The following DTNB variants were observed in gnomAD, a reference collection of about 807,000 sequenced individuals.
The protein encoded by DTNB is DTN-B.
Under a neutral mutation model 90.7 loss-of-function variants are expected in DTNB, and 63 were observed. The ratio of observed to expected loss-of-function variants is 0.69; its 90% CI spans 0.57 to 0.86. The LOEUF is 0.86. Among genes scored for constraint, DTNB ranks in the 40% least tolerant of loss-of-function variants. The probability of loss-of-function intolerance (pLI) is 0.00; values close to 1 mark genes in which losing one functional copy is unlikely to be tolerated. For synonymous variants in DTNB, 277 were observed against 286.7 expected (o/e 0.97, Z 0.34); for missense variants, 744 against 807.1 (o/e 0.92, Z 0.95).
In DTNB at chr2:25,673,543, G is replaced by C. The variant is rs989159741; in HGVS notation, c.-159C>G. On this transcript the variant is annotated 5_prime_UTR_variant, in exon 1 of 21. Coordinates refer to ENST00000406818, the MANE Select transcript of DTNB (RefSeq NM_021907.5). ...GGCGAACGTTCGCAGCGCCCGGCTC[G>C]CGCCGCTTCTCCGCCCGGCACGCGC... The C allele has an allele frequency of 6.7e-6, 1 of 148,656 alleles. No individual in the cohort carries two copies. Among genetic ancestry groups the C allele is most frequent in the African/African-American group, 2.4e-5 (1 of 41,082 alleles). The allele number at this position is 148,656 out of a possible 1,614,324, so 9.2% of individuals were successfully genotyped here. A position where few individuals can be genotyped will look rare whatever the true frequency, so the allele number is the denominator to read the frequency against.
chr2:25,437,457 TCACCATGTTGG>T (rs1313703550), intron 12 of DTNB, among the ~76,000 whole-genome samples: 1 of 152,148 alleles, frequency 6.6e-6, no homozygotes, highest in East Asian at 1.9e-4. Flanking sequence ...GGACAGGGTT[TCACCATGTTGG>T]CTAGGCTGGT....
At chr2:25,605,260 C>G (rs936153193) in intron 5 of DTNB, among the ~76,000 whole-genome samples, 4 of 152,176 alleles carry the variant, frequency 2.6e-5, no homozygotes, top group Non-Finnish European at 5.9e-5. Context: ...ATCAGATAAA[C>G]ACAGTGATTG....
chr2:25,573,778 G>T (rs1282082833), intron 8 of DTNB, among the ~76,000 whole-genome samples: 1 of 152,088 alleles, frequency 6.6e-6, no homozygotes, highest in Admixed American at 6.5e-5. Context: ...AGTGTGCCAC[G>T]TGACTGCTAA....
intron 12 of DTNB, among the ~76,000 whole-genome samples, chr2:25,442,203 T>C (rs2057565801): frequency 6.6e-6 from 1 of 152,202 alleles, no homozygotes; most frequent in Non-Finnish European, 1.5e-5. Context: ...AAGAGGCAGA[T>C]TACAGAGAGG....
At chr2:25,538,587 G>T (rs1426955239) in intron 8 of DTNB, among the ~76,000 whole-genome samples, 1 of 152,024 alleles carries the variant, frequency 6.6e-6, no homozygotes, top group Non-Finnish European at 1.5e-5. Context: ...TAGCAGCTGG[G>T]ACTACAGGCA....
At chr2:25,513,916 A>G (rs1166928650) in intron 9 of DTNB, among the ~76,000 whole-genome samples, 2 of 151,970 alleles carry the variant, frequency 1.3e-5, no homozygotes, top group East Asian at 3.9e-4. Flanking sequence ...AAGATCTACT[A>G]TCTGCCAGAC....
Position 25,451,571 on chromosome 2 carries a change from G to T in DTNB, c.1234C>A (p.Leu412Met). The change falls in exon 12 of 21, where the codon CTG becomes ATG. Residue 412 changes from leucine (L) to methionine (M), a missense_variant. Leu to Met is a conservative substitution (Grantham distance 15). Coordinates refer to ENST00000406818, the MANE Select transcript of DTNB (RefSeq NM_021907.5). ...HRLIARYAARLAAEAGNVTRP... is the reference protein window; with the variant it reads ...HRLIARYAARMAAEAGNVTRP... ...ACCACGTTTCCTGCTTCTGCAGCCA[G>T]CCGGGCAGCATAGCGAGCTATAAGA... 2 of 1,609,070 alleles carry T rather than the reference G, an allele frequency of 1.2e-6. No homozygotes were observed. Among genetic ancestry groups the T allele is most frequent in the Non-Finnish European group, 1.7e-6 (2 of 1,177,714 alleles).
intron 8 of DTNB, among the ~76,000 whole-genome samples, chr2:25,560,987 T>C (rs968088524): frequency 1.3e-5 from 2 of 152,188 alleles, no homozygotes; most frequent in African/African-American, 4.8e-5. Context: ...CCATTTCTAG[T>C]CACCTCCTAC....
At chr2:25,420,520 ATCTGTCTG>A (rs386354870) in intron 15 of DTNB, among the ~76,000 whole-genome samples, 443 of 89,268 alleles carry the variant, frequency 5.0e-3, no homozygotes, top group Non-Finnish European at 0.011. Context: ...CTATCTATCT[ATCTGTCTG>A]TCTATCGACA....
At chr2:25,504,222 C>T (rs1356214407) in intron 9 of DTNB, among the ~76,000 whole-genome samples, 4 of 151,336 alleles carry the variant, frequency 2.6e-5, no homozygotes, top group African/African-American at 9.7e-5. Flanking sequence ...GAGCCAAGAT[C>T]GCACCACTAC....
chr2:25,547,323 CTTT>C (rs57298172), intron 8 of DTNB, among the ~76,000 whole-genome samples: 2 of 115,598 alleles, frequency 1.7e-5, no homozygotes, highest in East Asian at 2.5e-4. Flanking sequence ...TCTTTCTTTC[CTTT>C]TTTTTTTTTT....
chr2:25,579,726 A>G (rs1051206979), intron 7 of DTNB, among the ~76,000 whole-genome samples: 5 of 152,306 alleles, frequency 3.3e-5, no homozygotes, highest in African/African-American at 1.2e-4. Context: ...GGAAAAAAAA[A>G]GGGAACCCAC....
At chr2:25,449,600 C>T (rs6546184) in intron 12 of DTNB, among the ~76,000 whole-genome samples, 39,535 of 151,950 alleles carry the variant, frequency 0.26, 7,471 homozygotes, top group East Asian at 0.64. Context: ...TTATTGGCCA[C>T]TGGCATATCT....
intron 2 of DTNB, chr2:25,650,114 T>A: frequency 1.0e-6 from 1 of 985,466 alleles, no homozygotes; most frequent in Non-Finnish European, 1.2e-6. Context: ...CACAAAGAAG[T>A]AAACCCAGTT....
intron 8 of DTNB, among the ~76,000 whole-genome samples, chr2:25,568,605 A>G (rs2151267762): frequency 6.6e-6 from 1 of 152,364 alleles, no homozygotes; most frequent in East Asian, 1.9e-4. Flanking sequence ...TCCTTCAAAA[A>G]GTATAATTTA....
intron 6 of DTNB, among the ~76,000 whole-genome samples, chr2:25,589,591 G>C (rs952157629): frequency 6.6e-6 from 1 of 151,854 alleles, no homozygotes; most frequent in Non-Finnish European, 1.5e-5. Flanking sequence ...ACGTCGGCCA[G>C]GCTGTCTTGA....
Position 25,470,685 on chromosome 2 carries a change from A to G in DTNB, c.1079+12111T>C, listed in dbSNP as rs542115838. Among the ~76,000 whole-genome samples, 5 of 152,232 alleles carry G rather than the reference A, an allele frequency of 3.3e-5. No homozygotes were observed. In the East Asian group the frequency reaches 5.8e-4, roughly 18 times the overall value. ...AGCCACTGCACCCGGCCTGAAGACAACAATTTTGGATCACAGTATGTAAAG... is the reference window on the plus strand; with the variant it reads ...AGCCACTGCACCCGGCCTGAAGACAGCAATTTTGGATCACAGTATGTAAAG... On this transcript the variant is annotated intron_variant, in intron 10 of 20. Transcript: ENST00000406818.
intron 16 of DTNB, among the ~76,000 whole-genome samples, chr2:25,414,378 TC>T (rs1343426240): frequency 3.9e-5 from 6 of 152,220 alleles, no homozygotes; most frequent in Non-Finnish European, 7.3e-5. Context: ...TGCCTCAGCC[TC>T]CTGAGTAGCT....
At chr2:25,660,193 G>C (rs186378670) in intron 1 of DTNB, among the ~76,000 whole-genome samples, 80 of 152,252 alleles carry the variant, frequency 5.3e-4, no homozygotes, top group Admixed American at 2.1e-3. Context: ...TGAAACTGCA[G>C]TATATTCATA....
Sources: gnomAD v4.1 joint callset for allele counts (sites outside exome capture counted in the v4.1 genomes callset) on GRCh38, gnomAD v4.1.1 for gene constraint, MANE v1.5 for transcripts, NCBI Gene and HGNC (gene_info 2026-07-23, HGNC 2026-07-21) for gene names.